Variants in DYNC2I2 observed in about 807,000 individuals in gnomAD.
The protein encoded by DYNC2I2 is dynein 2 intermediate chain 2.
Under a neutral mutation model 52.0 loss-of-function variants are expected in DYNC2I2, and 39 were observed. That is an observed-to-expected ratio of 0.75 (90% CI 0.58 to 0.98). DYNC2I2 has a LOEUF of 0.98. Among genes scored for constraint, DYNC2I2 ranks in the 50% least tolerant of loss-of-function variants. DYNC2I2 has a pLI of 0.00. For missense variants in DYNC2I2, 743 were observed against 728.4 expected (o/e 1.02, Z -0.23); for synonymous variants, 359 against 321.1 (o/e 1.12, Z -1.26).
rs202171371 is a variant in DYNC2I2 at position 128,640,680 on chromosome 9, C to T, written c.435+11G>A. 179 of 1,611,854 alleles carry T rather than the reference C, an allele frequency of 1.1e-4. No homozygotes were observed. The highest frequency in any genetic ancestry group is 1.5e-4 in the Non-Finnish European group (173 of 1,178,528). On this transcript the variant is annotated intron_variant, in intron 2 of 8. Coordinates refer to ENST00000372715, the MANE Select transcript of DYNC2I2 (RefSeq NM_052844.4). The stretch of plus-strand genomic sequence containing the variant: ...GGGCTCGACCCGAGGCTGCACCAGC[C>T]CATCCCCTACCATCTGCTGCTGCTC...
At chr9:128,683,381 G>A in the DYNC2I2 span, 1 of 209,748 alleles carries the variant, frequency 4.8e-6, no homozygotes, top group Non-Finnish European at 9.6e-6. Flanking sequence ...GACAAGGGAG[G>A]TCAGGAAGGA....
At chr9:128,681,215 C>T in the DYNC2I2 span, among the ~76,000 whole-genome samples, 1,182 of 151,842 alleles carry the variant, frequency 7.8e-3, 16 homozygotes, top group African/African-American at 0.027. Flanking sequence ...CTCAGCCTCC[C>T]GAGTAGCTGG....
chr9:128,634,633 G>C, intron 7 of DYNC2I2, 56 bp downstream of exon 7: 1 of 1,460,554 alleles, frequency 6.8e-7, no homozygotes, highest in Non-Finnish European at 9.1e-7. Context: ...GCAGGCTAGA[G>C]ACCCGCAGGG....
Position 128,633,659 on chromosome 9 carries a change from C to CA in DYNC2I2, c.*84dup. The CA allele has an allele frequency of 2.0e-6, 3 of 1,464,166 alleles. No homozygotes were observed. The highest frequency in any genetic ancestry group is 2.5e-5 in the South Asian group (2 of 80,954). The allele number at this position is 1,464,166 out of a possible 1,614,324, so 90.7% of individuals were successfully genotyped here. A position where few individuals can be genotyped will look rare whatever the true frequency, so the allele number is the denominator to read the frequency against. On this transcript the variant is annotated 3_prime_UTR_variant, in exon 9 of 9. Coordinates refer to ENST00000372715, the MANE Select transcript of DYNC2I2 (RefSeq NM_052844.4). ...AAGACAAATAAATGATGACTTCCCC[C>CA]AAAGCTTTGCTTTTCTTCATTTGGC...
chr9:128,665,769 CAAAAAA>C, the DYNC2I2 span, among the ~76,000 whole-genome samples: 8 of 72,168 alleles, frequency 1.1e-4, no homozygotes, highest in African/African-American at 4.2e-4. Context: ...GACTCTGTGT[CAAAAAA>C]AAAAAAAAAA....
At chr9:128,653,913 A>G (rs1860767902) in intron 1 of DYNC2I2, among the ~76,000 whole-genome samples, 1 of 152,146 alleles carries the variant, frequency 6.6e-6, no homozygotes, top group Admixed American at 6.6e-5. Flanking sequence ...GGGGAGGCTG[A>G]GGCAGGAGAA....
intron 7 of DYNC2I2, 100 bp from the exon 8 acceptor site, chr9:128,634,483 A>C: frequency 6.9e-7 from 1 of 1,456,444 alleles, no homozygotes; most frequent in Non-Finnish European, 9.2e-7. Flanking sequence ...AGGCTCGTGA[A>C]GAGCCTCCCG....
intron 2 of DYNC2I2, 30 bp downstream of exon 2, chr9:128,640,661 G>T: frequency 6.3e-7 from 1 of 1,598,754 alleles, no homozygotes; most frequent in South Asian, 1.1e-5. Flanking sequence ...GCAGGGGCTC[G>T]ACCCGAGGCT....
In DYNC2I2 at chr9:128,634,756, G is replaced by A; in HGVS notation, c.1147C>T (p.Pro383Ser). 1 of 1,604,192 alleles carries A rather than the reference G, an allele frequency of 6.2e-7. No individual in the cohort carries two copies. The highest frequency in any genetic ancestry group is 8.5e-7 in the Non-Finnish European group (1 of 1,175,880). ...TGGGGGGAGAAGGTAAACTGTGCTGGGGCCCGCAGGGGCACGGAGCTGGGC... is the reference window on the plus strand; with the variant it reads ...TGGGGGGAGAAGGTAAACTGTGCTGAGGCCCGCAGGGGCACGGAGCTGGGC... Reference protein sequence around the residue: ...RMPSSVPLRAPAQFTFSPHGG... With the variant: ...RMPSSVPLRASAQFTFSPHGG... The change falls in exon 7 of 9, where the codon CCA becomes TCA. Residue 383 changes from proline to serine, a missense_variant. Pro to Ser is a moderately conservative substitution (Grantham distance 74). Transcript: ENST00000372715.
Position 128,636,956 on chromosome 9 carries a change from C to CCAGGAGAT in DYNC2I2, c.499_506dup (p.Trp169Ter). On this transcript the variant is annotated stop_gained and frameshift_variant, in exon 3 of 9. Coordinates refer to ENST00000372715, the MANE Select transcript of DYNC2I2 (RefSeq NM_052844.4). LOFTEE classifies it high-confidence loss of function. Reference sequence around the variant, plus strand: ...AGGCCACCACAGAGCCAGTGGAGTTCCAGGAGATGCTGGTCACATGCAGAC... The same window carrying CCAGGAGAT: ...AGGCCACCACAGAGCCAGTGGAGTTCCAGGAGATCAGGAGATGCTGGTCACATGCAGAC... The CCAGGAGAT allele has an allele frequency of 1.2e-6, 2 of 1,613,334 alleles. No homozygotes were observed. The highest frequency in any genetic ancestry group is 1.7e-6 in the Non-Finnish European group (2 of 1,179,986).
At chr9:128,674,227 C>G in the DYNC2I2 span, among the ~76,000 whole-genome samples, 1 of 152,022 alleles carries the variant, frequency 6.6e-6, no homozygotes. Context: ...GCTCCAACTC[C>G]TGGGTTTATA....
the DYNC2I2 span, among the ~76,000 whole-genome samples, chr9:128,676,381 T>C: frequency 6.6e-6 from 1 of 151,608 alleles, no homozygotes; most frequent in African/African-American, 2.4e-5. Flanking sequence ...TCTCAGCTAC[T>C]CGGGAGGCTG....
At chr9:128,634,963 C>G (rs770434644) in intron 6 of DYNC2I2, 42 bp from the exon 7 acceptor site, 1 of 1,604,146 alleles carries the variant, frequency 6.2e-7, no homozygotes, top group South Asian at 1.1e-5. Context: ...CCAAGGGCAT[C>G]AGATGGCACT....
At chr9:128,634,021 TAG>T (rs769985964) in intron 8 of DYNC2I2, 39 bp from the exon 9 acceptor site, 1 of 1,606,764 alleles carries the variant, frequency 6.2e-7, no homozygotes, top group Non-Finnish European at 8.5e-7. Context: ...AGAGAAACTC[TAG>T]AGACCAACCA....
chr9:128,682,270 G>T, the DYNC2I2 span, among the ~76,000 whole-genome samples: 1 of 151,854 alleles, frequency 6.6e-6, no homozygotes, highest in Admixed American at 6.6e-5. Context: ...GGACGATCTC[G>T]ATCTCCTGAC....
chr9:128,642,941 G>A (rs529149543), intron 1 of DYNC2I2, among the ~76,000 whole-genome samples: 1 of 152,218 alleles, frequency 6.6e-6, no homozygotes, highest in East Asian at 1.9e-4. Flanking sequence ...GCACGAGAAA[G>A]GAAGGAAACA....
the DYNC2I2 span, among the ~76,000 whole-genome samples, chr9:128,666,068 C>G: frequency 1.3e-5 from 2 of 151,678 alleles, no homozygotes; most frequent in Non-Finnish European, 2.9e-5. Flanking sequence ...GAGCAAGACT[C>G]CGTCTCAAAA....
chr9:128,667,533 C>T, the DYNC2I2 span, among the ~76,000 whole-genome samples: 3 of 149,718 alleles, frequency 2.0e-5, no homozygotes, highest in Non-Finnish European at 4.4e-5. Flanking sequence ...ATTATGTTGG[C>T]CAGGCTGGTC....
the DYNC2I2 span, among the ~76,000 whole-genome samples, chr9:128,667,595 C>G: frequency 1.3e-5 from 2 of 150,604 alleles, no homozygotes; most frequent in African/African-American, 4.9e-5. Flanking sequence ...TTTTGAGACA[C>G]AGCCTCGCTC....
Sources: allele counts gnomAD v4.1 joint callset (sites outside exome capture counted in the v4.1 genomes callset), GRCh38; gene constraint gnomAD v4.1.1; transcripts MANE v1.5; gene names NCBI Gene and HGNC (gene_info 2026-07-23, HGNC 2026-07-21).